ERC2: variants seen among roughly 807,000 people sequenced by gnomAD.
ERC2 encodes ELKS/RAB6-interacting/CAST family member 2, also known as ERC protein 2.
ERC2 carries 42 observed loss-of-function variants against 114.8 expected under a neutral mutation model. The ratio of observed to expected loss-of-function variants is 0.37; its 90% CI spans 0.29 to 0.47. ERC2 has a LOEUF of 0.47. ERC2 is among the 20% of genes least tolerant of loss of function. The probability of loss-of-function intolerance (pLI) is 0.99; values close to 1 mark genes in which losing one functional copy is unlikely to be tolerated. For synonymous variants in ERC2, 454 were observed against 425.5 expected, an observed-to-expected ratio of 1.07 and a Z score of -0.82; for missense variants, 939 against 1,150.7, an observed-to-expected ratio of 0.82 and a Z score of 2.66.
intron 4 of ERC2, among the ~76,000 whole-genome samples, chr3:56,172,976 G>C (rs1221424050): frequency 1.3e-5 from 2 of 152,018 alleles, no homozygotes; most frequent in African/African-American, 4.8e-5. Context: ...AAAATACTGG[G>C]GTCACCAGAA....
chr3:56,319,164 G>T (rs913019625), intron 2 of ERC2, among the ~76,000 whole-genome samples: 1 of 151,954 alleles, frequency 6.6e-6, no homozygotes, highest in Non-Finnish European at 1.5e-5. Context: ...TTGAAATCAG[G>T]ATCTCAAAGA....
At chr3:56,000,596 T>A (rs1224454065) in intron 10 of ERC2, among the ~76,000 whole-genome samples, 2 of 151,976 alleles carry the variant, frequency 1.3e-5, no homozygotes, top group East Asian at 1.9e-4. Flanking sequence ...CAAAAAAAAA[T>A]TCCACCTAAA....
intron 12 of ERC2, among the ~76,000 whole-genome samples, chr3:55,976,820 A>T (rs1486024992): frequency 6.6e-6 from 1 of 152,242 alleles, no homozygotes. Context: ...AAATGCAGAA[A>T]ATCAGAACAT....
chr3:55,976,426 CT>C (rs2069595931), intron 12 of ERC2, among the ~76,000 whole-genome samples: 1 of 152,248 alleles, frequency 6.6e-6, no homozygotes, highest in African/African-American at 2.4e-5. Context: ...CTCCGAATGC[CT>C]TTTTTACAGC....
chr3:55,884,606 GC>G (rs2063279614), intron 14 of ERC2, among the ~76,000 whole-genome samples: 1 of 152,080 alleles, frequency 6.6e-6, no homozygotes, highest in South Asian at 2.1e-4. Flanking sequence ...TGACAAATGA[GC>G]TACCTGTAAG....
chr3:56,049,291 C>T (rs930897183), intron 7 of ERC2, among the ~76,000 whole-genome samples: 33 of 152,052 alleles, frequency 2.2e-4, no homozygotes, highest in Admixed American at 1.1e-3. Flanking sequence ...GCCAAGCAGG[C>T]GAGATTTCTG....
chr3:56,247,436 A>C (rs1308023064), intron 3 of ERC2, among the ~76,000 whole-genome samples: 2 of 152,212 alleles, frequency 1.3e-5, no homozygotes, highest in Non-Finnish European at 2.9e-5. Context: ...GCTTGAAAGT[A>C]ATTTGTGCTC....
At chr3:55,731,163 G>T (rs2065232393) in intron 15 of ERC2, among the ~76,000 whole-genome samples, 1 of 151,856 alleles carries the variant, frequency 6.6e-6, no homozygotes, top group African/African-American at 2.4e-5. Flanking sequence ...TGACATGTCT[G>T]CTCACTGCTC....
intron 3 of ERC2, among the ~76,000 whole-genome samples, chr3:56,195,976 G>A (rs1312061394): frequency 6.6e-6 from 1 of 152,172 alleles, no homozygotes; most frequent in African/African-American, 2.4e-5. Flanking sequence ...GGAGCAGTAG[G>A]AGTGGCCCAC....
chr3:56,280,151 T>A (rs2054253090), intron 3 of ERC2, among the ~76,000 whole-genome samples: 1 of 152,190 alleles, frequency 6.6e-6, no homozygotes, highest in Middle Eastern at 3.4e-3. Flanking sequence ...AATGTTTCAG[T>A]GTTGGCTGGA....
intron 9 of ERC2, 104 bp downstream of exon 9, chr3:56,010,345 G>T: frequency 1.3e-5 from 18 of 1,344,274 alleles, no homozygotes; most frequent in Non-Finnish European, 1.8e-5. Flanking sequence ...CATTCCCCAA[G>T]CCTTCATACA....
intron 5 of ERC2, among the ~76,000 whole-genome samples, chr3:56,148,181 GA>G (rs2149946524): frequency 6.6e-6 from 1 of 152,282 alleles, no homozygotes; most frequent in African/African-American, 2.4e-5. Flanking sequence ...CTATTTCACG[GA>G]TAAAGAAACT....
intron 3 of ERC2, among the ~76,000 whole-genome samples, chr3:56,220,023 T>C (rs1384204863): frequency 1.3e-5 from 2 of 152,212 alleles, no homozygotes; most frequent in Non-Finnish European, 2.9e-5. Flanking sequence ...ACAATAGTTA[T>C]CATTATCATA....
At chr3:56,222,779 A>C (rs1244567641) in intron 3 of ERC2, among the ~76,000 whole-genome samples, 1 of 152,222 alleles carries the variant, frequency 6.6e-6, no homozygotes, top group South Asian at 2.1e-4. Context: ...TGCAAAATAC[A>C]TCATAGTCAT....
At chr3:56,443,439 T>C (rs1046779685) in intron 1 of ERC2, among the ~76,000 whole-genome samples, 3 of 152,118 alleles carry the variant, frequency 2.0e-5, no homozygotes, top group Admixed American at 6.5e-5. Flanking sequence ...CTGGGACCAT[T>C]TCACCCCCGG....
At chr3:56,362,283 C>A (rs2058987707) in intron 2 of ERC2, among the ~76,000 whole-genome samples, 1 of 152,168 alleles carries the variant, frequency 6.6e-6, no homozygotes, top group Admixed American at 6.5e-5. Flanking sequence ...TCATTTTATC[C>A]AACTTCCTGT....
At chr3:55,995,329 CTCAATCAATCAA>C (rs71099607) in intron 10 of ERC2, among the ~76,000 whole-genome samples, 1 of 150,894 alleles carries the variant, frequency 6.6e-6, no homozygotes, top group South Asian at 2.1e-4. Flanking sequence ...GATACTCCAT[CTCAATCAATCAA>C]TCAATCAATC....
intron 17 of ERC2, among the ~76,000 whole-genome samples, chr3:55,560,064 C>T (rs1467620517): frequency 6.6e-6 from 1 of 152,132 alleles, no homozygotes; most frequent in African/African-American, 2.4e-5. Context: ...AGTGCAGTAC[C>T]AGGCCCTTCC....
intron 17 of ERC2, among the ~76,000 whole-genome samples, chr3:55,557,536 G>A (rs148288904): frequency 4.6e-5 from 7 of 152,340 alleles, no homozygotes; most frequent in African/African-American, 1.7e-4. Flanking sequence ...CCCCTTGGGG[G>A]AATCCTTTAT....
Sources: allele counts gnomAD v4.1 joint callset (sites outside exome capture counted in the v4.1 genomes callset), GRCh38; gene constraint gnomAD v4.1.1; transcripts MANE v1.5; gene names NCBI Gene and HGNC (gene_info 2026-07-23, HGNC 2026-07-21).